The following ADAMTS17 variants were observed in gnomAD, a reference collection of about 807,000 sequenced individuals.
ADAMTS17 encodes A disintegrin and metalloproteinase with thrombospondin motifs 17.
ADAMTS17 carries 113 observed loss-of-function variants against 141.5 expected under a neutral mutation model. The observed-to-expected ratio is 0.80, with a 90% CI of 0.69 to 0.93. The LOEUF (loss-of-function observed/expected upper bound fraction) is 0.93. ADAMTS17 is among the 40% of genes least tolerant of loss of function. ADAMTS17 has a pLI of 0.00. For missense variants in ADAMTS17, 1,659 were observed against 1,517.9 expected, an observed-to-expected ratio of 1.09 and a Z score of -1.54; for synonymous variants, 768 against 630.6, an observed-to-expected ratio of 1.22 and a Z score of -3.27.
intron 3 of ADAMTS17, among the ~76,000 whole-genome samples, chr15:100,292,079 TGGGGA>T (rs2044645005): frequency 7.5e-6 from 1 of 132,758 alleles, no homozygotes; most frequent in Non-Finnish European, 1.6e-5. Flanking sequence ...GCTCAGCCCG[TGGGGA>T]GTCATGAGAG....
chr15:100,323,870 T>C (rs185781497), intron 3 of ADAMTS17, among the ~76,000 whole-genome samples: 1 of 151,900 alleles, frequency 6.6e-6, no homozygotes, highest in South Asian at 2.1e-4. Context: ...TGACTATATA[T>C]CATAATCGCT....
chr15:100,238,595 G>A (rs552699465), intron 7 of ADAMTS17, among the ~76,000 whole-genome samples: 4 of 152,348 alleles, frequency 2.6e-5, no homozygotes, highest in African/African-American at 9.6e-5. Context: ...TTTAATACCT[G>A]CCAAGAACAA....
chr15:100,161,423 C>A lies in ADAMTS17; in HGVS notation c.1182-6103G>T, dbSNP rs533831654. 3.1e-3 allele frequency among the ~76,000 whole-genome samples: 455 copies of A among 146,356 alleles called. 1 individual carries two copies. The highest frequency in any genetic ancestry group is 5.0e-3 in the Non-Finnish European group (342 of 67,768). ...CTTGGCTGAGTCTGTGGAATGAATC[C>A]CCGGAGTGGGATGAAGAGCTTGGGC... On this transcript the variant is annotated intron_variant, in intron 8 of 21. Coordinates refer to ENST00000268070, the MANE Select transcript of ADAMTS17 (RefSeq NM_139057.4).
intron 16 of ADAMTS17, among the ~76,000 whole-genome samples, chr15:100,053,046 A>G (rs567738778): frequency 6.6e-6 from 1 of 152,300 alleles, no homozygotes; most frequent in Admixed American, 6.5e-5. Context: ...TCACAAATTA[A>G]CGGGGAAGAA....
intron 20 of ADAMTS17, among the ~76,000 whole-genome samples, chr15:99,990,559 T>G (rs2060670382): frequency 6.6e-6 from 1 of 152,070 alleles, no homozygotes; most frequent in Non-Finnish European, 1.5e-5. Flanking sequence ...CTTCTCAAAT[T>G]CACTGTTAAT....
intron 6 of ADAMTS17, among the ~76,000 whole-genome samples, chr15:100,258,618 G>C (rs377582635): frequency 1.3e-5 from 2 of 151,770 alleles, no homozygotes; most frequent in Admixed American, 1.3e-4. Context: ...ACTTCTTCAC[G>C]ATCCCGAGAA....
At chr15:100,096,115 C>T (rs1369718515) in intron 15 of ADAMTS17, among the ~76,000 whole-genome samples, 1 of 152,178 alleles carries the variant, frequency 6.6e-6, no homozygotes, top group Non-Finnish European at 1.5e-5. Flanking sequence ...GATTCATGGA[C>T]CTCAGGCTAA....
At chr15:100,326,470 A>C (rs2045905134) in intron 3 of ADAMTS17, among the ~76,000 whole-genome samples, 1 of 152,250 alleles carries the variant, frequency 6.6e-6, no homozygotes, top group Admixed American at 6.5e-5. Flanking sequence ...CCTGGGGCAC[A>C]GGTGGAATGA....
At chr15:100,107,704 G>A (rs953984999) in intron 14 of ADAMTS17, among the ~76,000 whole-genome samples, 1 of 152,074 alleles carries the variant, frequency 6.6e-6, no homozygotes, top group Non-Finnish European at 1.5e-5. Flanking sequence ...ACTATGCGAG[G>A]ACACAGCAAG....
chr15:100,311,047 G>A (rs957710939), intron 3 of ADAMTS17, among the ~76,000 whole-genome samples: 1 of 152,230 alleles, frequency 6.6e-6, no homozygotes, highest in Non-Finnish European at 1.5e-5. Context: ...GTACTGAGAA[G>A]GCTAGACCTT....
intron 12 of ADAMTS17, among the ~76,000 whole-genome samples, chr15:100,123,808 G>A (rs1288006336): frequency 6.6e-6 from 1 of 152,252 alleles, no homozygotes; most frequent in African/African-American, 2.4e-5. Context: ...GGACCCAGCA[G>A]GAACAGGCGC....
At chr15:100,170,463 T>C (rs1421185300) in intron 8 of ADAMTS17, among the ~76,000 whole-genome samples, 1 of 152,182 alleles carries the variant, frequency 6.6e-6, no homozygotes, top group African/African-American at 2.4e-5. Flanking sequence ...ATCAGCCTTC[T>C]GGCCTACCTC....
chr15:100,086,561 C>T (rs576248001), intron 15 of ADAMTS17, among the ~76,000 whole-genome samples: 1 of 152,136 alleles, frequency 6.6e-6, no homozygotes, highest in Non-Finnish European at 1.5e-5. Context: ...CAGCACCACA[C>T]CACACTTATT....
At chr15:100,249,133 T>A (rs75256162) in intron 7 of ADAMTS17, among the ~76,000 whole-genome samples, 3,256 of 152,266 alleles carry the variant, frequency 0.021, 59 homozygotes, top group South Asian at 0.055. Flanking sequence ...CCCATTCATC[T>A]GCTCACTCAA....
chr15:100,305,121 A>C (rs1292944363), intron 3 of ADAMTS17, among the ~76,000 whole-genome samples: 1 of 152,190 alleles, frequency 6.6e-6, no homozygotes, highest in Non-Finnish European at 1.5e-5. Context: ...GTTGTGGTGC[A>C]GGAGCAGAGG....
chr15:100,141,675 C>T (rs537794675), intron 10 of ADAMTS17, among the ~76,000 whole-genome samples: 103 of 152,228 alleles, frequency 6.8e-4, no homozygotes, highest in African/African-American at 2.1e-3. Flanking sequence ...TGGGGGCTGC[C>T]GGGTGAGGGT....
intron 6 of ADAMTS17, among the ~76,000 whole-genome samples, chr15:100,255,658 T>C (rs1473869525): frequency 1.8e-5 from 1 of 55,628 alleles, no homozygotes; most frequent in African/African-American, 6.8e-5. Context: ...CCCAGGACCT[T>C]GCTCCAGGGT....
chr15:100,112,761 C>T (rs763227895), intron 13 of ADAMTS17, among the ~76,000 whole-genome samples: 7 of 152,134 alleles, frequency 4.6e-5, no homozygotes, highest in Non-Finnish European at 8.8e-5. Flanking sequence ...AGCCTGGGGC[C>T]GGTCTGGCTT....
intron 7 of ADAMTS17, among the ~76,000 whole-genome samples, chr15:100,233,560 G>T (rs998746913): frequency 6.6e-6 from 1 of 152,122 alleles, no homozygotes; most frequent in Non-Finnish European, 1.5e-5. Context: ...AAAACTCATT[G>T]CATCTCTCAT....
Sources: allele counts gnomAD v4.1 joint callset (sites outside exome capture counted in the v4.1 genomes callset), GRCh38; gene constraint gnomAD v4.1.1; transcripts MANE v1.5; gene names NCBI Gene and HGNC (gene_info 2026-07-23, HGNC 2026-07-21).